PLPPR1: variants seen among roughly 807,000 people sequenced by gnomAD.
PLPPR1 encodes the protein phospholipid phosphatase related 1.
PLPPR1 carries 10 observed loss-of-function variants against 33.1 expected under a neutral mutation model. The ratio of observed to expected loss-of-function variants is 0.30; its 90% confidence interval spans 0.19 to 0.51. PLPPR1 has a LOEUF of 0.51. Among genes scored for constraint, PLPPR1 ranks in the 20% least tolerant of loss-of-function variants. PLPPR1 has a pLI of 0.97. For missense variants in PLPPR1, 304 were observed against 408.1 expected (o/e 0.74, Z 2.20); for synonymous variants, 151 against 151.0 (o/e 1.00, Z 0.00).
intron 2 of PLPPR1, among the ~76,000 whole-genome samples, chr9:101,233,971 A>G (rs1161255693): frequency 5.3e-5 from 8 of 151,984 alleles, no homozygotes; most frequent in African/African-American, 1.9e-4. Flanking sequence ...TCATTATAAT[A>G]CTGACTCAGT....
At chr9:101,298,517 G>A (rs567578106) in intron 4 of PLPPR1, among the ~76,000 whole-genome samples, 1 of 152,286 alleles carries the variant, frequency 6.6e-6, no homozygotes, top group Admixed American at 6.5e-5. Flanking sequence ...TTGAGAACTA[G>A]AAAATCCTCG....
At chr9:101,296,218 T>C (rs902155058) in intron 4 of PLPPR1, among the ~76,000 whole-genome samples, 8 of 151,262 alleles carry the variant, frequency 5.3e-5, no homozygotes, top group African/African-American at 1.7e-4. Flanking sequence ...TCACTGGCCA[T>C]CAGAGAAATG....
intron 1 of PLPPR1, among the ~76,000 whole-genome samples, chr9:101,066,807 T>C (rs1186870533): frequency 6.6e-6 from 1 of 152,026 alleles, no homozygotes; most frequent in African/African-American, 2.4e-5. Context: ...CAAGGATTCC[T>C]GGTCCTTTAA....
At chr9:101,053,792 G>A (rs761552460) in intron 1 of PLPPR1, among the ~76,000 whole-genome samples, 7 of 152,172 alleles carry the variant, frequency 4.6e-5, no homozygotes, top group Admixed American at 1.3e-4. Context: ...ATGGCCTTGC[G>A]TATGAGGCTG....
At chr9:101,203,451 A>G (rs1826527720) in intron 2 of PLPPR1, among the ~76,000 whole-genome samples, 1 of 152,126 alleles carries the variant, frequency 6.6e-6, no homozygotes. Flanking sequence ...GTAAACTTGT[A>G]GCCATATGGC....
At chr9:101,083,281 C>G (rs1213496216) in intron 1 of PLPPR1, among the ~76,000 whole-genome samples, 1 of 151,626 alleles carries the variant, frequency 6.6e-6, no homozygotes, top group Admixed American at 6.6e-5. Context: ...GCCTCAGCCT[C>G]CTGAATAGCT....
chr9:101,091,615 A>G (rs1830743024), intron 1 of PLPPR1, among the ~76,000 whole-genome samples: 1 of 152,160 alleles, frequency 6.6e-6, no homozygotes, highest in South Asian at 2.1e-4. Flanking sequence ...ATAATGTAGG[A>G]TAATCTCTAT....
chr9:101,122,141 C>T (rs1831185735), intron 1 of PLPPR1, among the ~76,000 whole-genome samples: 1 of 152,112 alleles, frequency 6.6e-6, no homozygotes, highest in South Asian at 2.1e-4. Context: ...TTGCTTTGAA[C>T]GTGTATAAAG....
intron 2 of PLPPR1, among the ~76,000 whole-genome samples, chr9:101,198,708 G>A (rs963668907): frequency 1.3e-5 from 2 of 152,180 alleles, no homozygotes; most frequent in Admixed American, 6.5e-5. Flanking sequence ...CCTGAAGACG[G>A]TGAGGTGGTA....
rs142702584 is a variant in PLPPR1, at chr9:101,121,723, A to T, written c.-45-63727A>T. 1.4e-4 allele frequency among the ~76,000 whole-genome samples: 22 copies of T among 152,298 alleles called. No homozygotes were observed. In the East Asian group the frequency reaches 4.2e-3, roughly 29 times the overall value. On this transcript the variant is annotated intron_variant, in intron 1 of 7. Transcript: ENST00000374874. ...GGCAAAAAATAAGTGATCATCTTAG[A>T]TTTACAAGAGTTGCAAAAATTTTAT... is the stretch of plus-strand genomic sequence containing the variant.
intron 4 of PLPPR1, among the ~76,000 whole-genome samples, chr9:101,294,570 C>G (rs1210723893): frequency 1.3e-5 from 2 of 151,152 alleles, no homozygotes; most frequent in Non-Finnish European, 1.5e-5. Context: ...ACTGGCAAAC[C>G]GAATCCAGCA....
intron 2 of PLPPR1, among the ~76,000 whole-genome samples, chr9:101,257,677 A>G (rs1348870806): frequency 1.3e-5 from 2 of 152,160 alleles, no homozygotes; most frequent in African/African-American, 4.8e-5. Context: ...GTACTAGAAT[A>G]TTCTGGTGAT....
At chr9:101,160,800 CCTTAA>C in intron 1 of PLPPR1, among the ~76,000 whole-genome samples, 2 of 152,028 alleles carry the variant, frequency 1.3e-5, no homozygotes, top group South Asian at 4.2e-4. Context: ...AAAAGAAAGC[CCTTAA>C]CTTCCTTGTT....
At chr9:101,131,453 T>C (rs550798050) in intron 1 of PLPPR1, 1 of 152,182 alleles carries the variant, frequency 6.6e-6, no homozygotes, top group Non-Finnish European at 1.5e-5. Flanking sequence ...GTTGTTGAGC[T>C]CATCAGGTTT....
At chr9:101,287,495 C>T (rs1383867725) in intron 4 of PLPPR1, among the ~76,000 whole-genome samples, 1 of 152,122 alleles carries the variant, frequency 6.6e-6, no homozygotes, top group Non-Finnish European at 1.5e-5. Flanking sequence ...ACCCAAAACC[C>T]TGTAAGGTAT....
At chr9:101,216,132 C>T (rs1245878488) in intron 2 of PLPPR1, among the ~76,000 whole-genome samples, 2 of 152,154 alleles carry the variant, frequency 1.3e-5, no homozygotes, top group Non-Finnish European at 2.9e-5. Flanking sequence ...TTTTCATTTT[C>T]TCTACATCCT....
intron 1 of PLPPR1, among the ~76,000 whole-genome samples, chr9:101,032,938 C>A (rs1042557766): frequency 2.0e-5 from 3 of 152,156 alleles, no homozygotes; most frequent in Non-Finnish European, 4.4e-5. Context: ...AGTAGTATGG[C>A]AGTGTGTATA....
chr9:101,173,778 G>A (rs1262464321), intron 1 of PLPPR1, among the ~76,000 whole-genome samples: 1 of 152,064 alleles, frequency 6.6e-6, no homozygotes, highest in Non-Finnish European at 1.5e-5. Flanking sequence ...GAGGACATAT[G>A]GCAAAGTCTG....
In PLPPR1 at chr9:101,126,231, C is replaced by A. The variant is rs1831245192; in HGVS notation, c.-45-59219C>A. Among the ~76,000 whole-genome samples, 3 of 152,330 alleles carry A rather than the reference C, an allele frequency of 2.0e-5. No homozygotes were observed. In the South Asian group the frequency reaches 6.2e-4, roughly 32 times the overall value. Reference sequence around the variant, plus strand: ...TGTCAACAACTGAGCAATTCTTTCTCCTGGGGAAGCAGACCATGCAGTTGA... The same window carrying A: ...TGTCAACAACTGAGCAATTCTTTCTACTGGGGAAGCAGACCATGCAGTTGA... On this transcript the variant is annotated intron_variant, in intron 1 of 7. Transcript: ENST00000374874.
Sources: allele counts gnomAD v4.1 joint callset (sites outside exome capture counted in the v4.1 genomes callset), GRCh38; gene constraint gnomAD v4.1.1; transcripts MANE v1.5; gene names NCBI Gene and HGNC (gene_info 2026-07-23, HGNC 2026-07-21).